Variants in DLC1 observed in about 807,000 individuals in gnomAD.
DLC1 encodes the protein rho GTPase-activating protein 7.
A neutral mutation model predicts 140.3 loss-of-function variants in DLC1; 54 were observed. That is an observed-to-expected ratio of 0.38 (90% confidence interval 0.31 to 0.48). DLC1 has a LOEUF of 0.48. Ranked by LOEUF, DLC1 falls within the 20% of genes least tolerant of loss-of-function variation. DLC1 has a pLI of 0.96. For missense variants in DLC1, 2,536 were observed against 1,907.0 expected (o/e 1.33, Z -6.14); for synonymous variants, 986 against 728.1 (o/e 1.35, Z -5.70).
intron 5 of DLC1, among the ~76,000 whole-genome samples, chr8:13,135,994 C>T (rs765730623): frequency 1.3e-5 from 2 of 152,188 alleles, no homozygotes; most frequent in African/African-American, 4.8e-5. Context: ...ATCTCATCTT[C>T]TTTCAGTCTT....
At chr8:13,580,171 G>A (rs1805037659) in intron 1 of DLC1, among the ~76,000 whole-genome samples, 1 of 150,406 alleles carries the variant, frequency 6.6e-6, no homozygotes, top group Non-Finnish European at 1.5e-5. Flanking sequence ...TGTCCAGGCT[G>A]GAGTGCAGTG....
intron 2 of DLC1, among the ~76,000 whole-genome samples, chr8:13,457,436 T>C (rs1799445496): frequency 6.6e-6 from 1 of 152,034 alleles, no homozygotes; most frequent in Non-Finnish European, 1.5e-5. Flanking sequence ...CCCAGCACTT[T>C]GAGAGGCCGA....
At chr8:13,143,813 TGAGAGAGAGAGAGAGAGAGAGAGAGA>T (rs35079610) in intron 5 of DLC1, among the ~76,000 whole-genome samples, 1 of 128,642 alleles carries the variant, frequency 7.8e-6, no homozygotes, top group Admixed American at 8.0e-5. Context: ...AATGAAAAGC[TGAGAGAGAGAGAGAGAGAGAGAGAGA>T]GAGAGAGAGA....
intron 2 of DLC1, among the ~76,000 whole-genome samples, chr8:13,402,207 A>G (rs1162073845): frequency 1.3e-5 from 2 of 152,196 alleles, no homozygotes; most frequent in African/African-American, 4.8e-5. Flanking sequence ...CACTTATAAA[A>G]CAGCTCCCAC....
intron 5 of DLC1, among the ~76,000 whole-genome samples, chr8:13,183,575 A>G (rs1195049543): frequency 1.3e-5 from 2 of 152,140 alleles, no homozygotes; most frequent in African/African-American, 2.4e-5. Context: ...TGAGATAATC[A>G]TGTGGTTTTT....
At chr8:13,269,126 G>C (rs1041993491) in intron 5 of DLC1, among the ~76,000 whole-genome samples, 9 of 152,196 alleles carry the variant, frequency 5.9e-5, no homozygotes, top group Middle Eastern at 3.4e-3. Context: ...GCCCGCCTCA[G>C]CCTTCCAAAG....
intron 5 of DLC1, among the ~76,000 whole-genome samples, chr8:13,169,451 G>C (rs1182018217): frequency 6.6e-6 from 1 of 152,160 alleles, no homozygotes; most frequent in Non-Finnish European, 1.5e-5. Context: ...AGCTAATATG[G>C]ATAAAATATC....
chr8:13,291,896 C>G (rs1457267700), intron 5 of DLC1, among the ~76,000 whole-genome samples: 1 of 152,060 alleles, frequency 6.6e-6, no homozygotes, highest in Admixed American at 6.6e-5. Flanking sequence ...CAAAGGTTTT[C>G]CAGATGTGGA....
intron 4 of DLC1, among the ~76,000 whole-genome samples, chr8:13,306,624 G>C (rs908882384): frequency 2.0e-5 from 3 of 151,720 alleles, no homozygotes; most frequent in Admixed American, 6.6e-5. Context: ...GCTCTGTTGT[G>C]GATCAGCCCA....
chr8:13,115,753 A>ATGAC (rs1166437187), intron 5 of DLC1, 96 bp from the exon 6 acceptor site: 3 of 1,113,644 alleles, frequency 2.7e-6, no homozygotes, highest in Non-Finnish European at 4.0e-6. Flanking sequence ...CAAGCAAAAC[A>ATGAC]TGACTGCCAT....
At chr8:13,101,793 G>A (rs1268147792) in intron 8 of DLC1, among the ~76,000 whole-genome samples, 1 of 152,178 alleles carries the variant, frequency 6.6e-6, no homozygotes, top group Admixed American at 6.5e-5. Flanking sequence ...AAACACTAAG[G>A]AACGTCTTTG....
intron 5 of DLC1, among the ~76,000 whole-genome samples, chr8:13,239,478 AG>A (rs1261932212): frequency 1.3e-5 from 2 of 152,196 alleles, no homozygotes; most frequent in Non-Finnish European, 2.9e-5. Context: ...GACTGATCAC[AG>A]GCACATAATT....
chr8:13,398,809 A>G (rs1586276752), intron 3 of DLC1, among the ~76,000 whole-genome samples: 1 of 152,124 alleles, frequency 6.6e-6, no homozygotes, highest in Non-Finnish European at 1.5e-5. Context: ...GTATTAGATG[A>G]CAGGAGCAAC....
intron 5 of DLC1, among the ~76,000 whole-genome samples, chr8:13,125,051 A>C (rs1821435092): frequency 6.6e-6 from 1 of 151,360 alleles, no homozygotes; most frequent in Non-Finnish European, 1.5e-5. Context: ...ATCTCAACTC[A>C]CAGCAACCTC....
At chr8:13,520,070 C>A (rs187745896) in intron 1 of DLC1, among the ~76,000 whole-genome samples, 8 of 152,164 alleles carry the variant, frequency 5.3e-5, no homozygotes, top group African/African-American at 1.9e-4. Flanking sequence ...TGTGGCGATT[C>A]CTCAAGGATC....
At position 13,369,302 on chromosome 8, in the gene DLC1, C is replaced by T. The variant is rs544047326; in HGVS notation, c.1314+24251G>A. On this transcript the variant is annotated intron_variant, in intron 4 of 17. Coordinates refer to ENST00000276297, the MANE Select transcript of DLC1 (RefSeq NM_182643.3). ...TAATAGATTCATTCTTTCTATTTAA[C>T]CTATTGATACCTCCTTTCATAGTCT... Among the ~76,000 whole-genome samples, 45 of 145,820 alleles carry T rather than the reference C, an allele frequency of 3.1e-4. 1 individual carries two copies. Among genetic ancestry groups the T allele is most frequent in the African/African-American group, 1.1e-3 (44 of 38,826 alleles).
intron 5 of DLC1, among the ~76,000 whole-genome samples, chr8:13,120,857 G>A (rs546096391): frequency 1.3e-5 from 2 of 152,154 alleles, no homozygotes; most frequent in Non-Finnish European, 2.9e-5. Context: ...GGATGATCCT[G>A]TCTTCCCATC....
chr8:13,358,436 A>T (rs1215954229), intron 4 of DLC1, among the ~76,000 whole-genome samples: 2 of 152,228 alleles, frequency 1.3e-5, no homozygotes, highest in Admixed American at 1.3e-4. Flanking sequence ...GTCCAAAAAA[A>T]GTGCTTGATT....
intron 5 of DLC1, among the ~76,000 whole-genome samples, chr8:13,299,050 G>T (rs760144138): frequency 6.6e-6 from 1 of 152,056 alleles, no homozygotes; most frequent in African/African-American, 2.4e-5. Context: ...TGACTAAAAT[G>T]CAGTGTTACT....
Sources: gnomAD v4.1 joint callset for allele counts (sites outside exome capture counted in the v4.1 genomes callset) on GRCh38, gnomAD v4.1.1 for gene constraint, MANE v1.5 for transcripts, NCBI Gene and HGNC (gene_info 2026-07-23, HGNC 2026-07-21) for gene names.